CHL1: variants seen among roughly 807,000 people sequenced by gnomAD.
CHL1 encodes the protein cell adhesion molecule L1 like, also known as neural cell adhesion molecule L1-like protein.
CHL1 carries 96 observed loss-of-function variants against 141.9 expected under a neutral mutation model. The observed-to-expected ratio is 0.68, with a 90% CI of 0.57 to 0.80. The LOEUF is 0.80. Among genes scored for constraint, CHL1 ranks in the 30% least tolerant of loss-of-function variants. The probability of loss-of-function intolerance (pLI) is 0.00; values close to 1 mark genes in which losing one functional copy is unlikely to be tolerated. For missense variants in CHL1, 1,820 were observed against 1,457.2 expected (o/e 1.25, Z -4.05); for synonymous variants, 613 against 502.2 (o/e 1.22, Z -2.95).
intron 18 of CHL1, 123 bp downstream of exon 18, chr3:382,794 G>T (rs987011947): frequency 1.2e-4 from 105 of 846,050 alleles, no homozygotes; most frequent in Admixed American, 1.8e-4. Flanking sequence ...AGTGTTAACA[G>T]TTCTCTAAAC....
intron 26 of CHL1, among the ~76,000 whole-genome samples, chr3:400,228 T>C (rs1043320480): frequency 2.6e-5 from 4 of 152,218 alleles, no homozygotes; most frequent in Non-Finnish European, 5.9e-5. Flanking sequence ...GTCATCTACA[T>C]AGAAACATTG....
At chr3:283,384 C>T (rs1696834949) in intron 2 of CHL1, among the ~76,000 whole-genome samples, 1 of 152,164 alleles carries the variant, frequency 6.6e-6, no homozygotes, top group African/African-American at 2.4e-5. Context: ...GATTAGCAAT[C>T]ACACATGGTT....
intron 2 of CHL1, among the ~76,000 whole-genome samples, chr3:275,042 A>C (rs1457380616): frequency 6.6e-6 from 1 of 152,250 alleles, no homozygotes; most frequent in Non-Finnish European, 1.5e-5. Flanking sequence ...CCTACTCACC[A>C]CTGCAACTTC....
chr3:401,169 C>T (rs572655416), intron 26 of CHL1, among the ~76,000 whole-genome samples: 4 of 152,080 alleles, frequency 2.6e-5, no homozygotes, highest in East Asian at 1.9e-4. Flanking sequence ...CCCAAAGTGC[C>T]GGGATTACAG....
At chr3:361,649 A>T in intron 12 of CHL1, 50 bp from the exon 13 acceptor site, 1 of 1,279,656 alleles carries the variant, frequency 7.8e-7, no homozygotes, top group Non-Finnish European at 1.1e-6. Flanking sequence ...TAATTTGCAT[A>T]TCTTTCTTCC....
At chr3:342,846 C>T in intron 7 of CHL1, 138 bp from the exon 8 acceptor site, 1 of 589,634 alleles carries the variant, frequency 1.7e-6, no homozygotes, top group South Asian at 2.5e-5. Context: ...ACTATATTCC[C>T]AAAGGCAATG....
At chr3:333,021 A>G (rs1701563157) in intron 5 of CHL1, among the ~76,000 whole-genome samples, 1 of 151,978 alleles carries the variant, frequency 6.6e-6, no homozygotes, top group African/African-American at 2.4e-5. Context: ...GACCAAGTGA[A>G]GACATGAACA....
chr3:266,796 C>T (rs1337241427), intron 2 of CHL1, among the ~76,000 whole-genome samples: 1 of 152,142 alleles, frequency 6.6e-6, no homozygotes, highest in East Asian at 1.9e-4. Context: ...GGCAGCACTT[C>T]CAATGTTCAG....
rs186903205 is a variant in CHL1 at position 348,761 on chromosome 3, G to A, written c.849-598G>A. Among the ~76,000 whole-genome samples, 35 of 152,306 alleles carry A rather than the reference G, an allele frequency of 2.3e-4. No homozygotes were observed. In the East Asian group the frequency reaches 4.2e-3, roughly 18 times the overall value. On this transcript the variant is annotated intron_variant, in intron 9 of 27. Coordinates refer to ENST00000256509, the MANE Select transcript of CHL1 (RefSeq NM_006614.4). ...CTTTCCTCTGCTTCCCGACAAGGGCGAGAACGTGATCCAGGAGGCAGTATC... is the reference window on the plus strand; with the variant it reads ...CTTTCCTCTGCTTCCCGACAAGGGCAAGAACGTGATCCAGGAGGCAGTATC...
At position 319,536 on chromosome 3, in the gene CHL1, A is replaced by G; in HGVS notation, c.-94-147A>G. ...CATACAAAGAGGAAAAACTAATTTC[A>G]TTCATGCGGAGTTATGAGAGAACAG... On this transcript the variant is annotated intron_variant, in intron 2 of 27. Coordinates refer to ENST00000256509, the MANE Select transcript of CHL1 (RefSeq NM_006614.4). 7 of 417,488 alleles carry G rather than the reference A, an allele frequency of 1.7e-5. No individual in the cohort carries two copies. In the South Asian group the frequency reaches 2.4e-4, roughly 14 times the overall value. 25.9% of individuals were successfully genotyped at this position (417,488 alleles called of 1,614,324 possible).
rs186575125 is a variant in CHL1, at chr3:362,717, G to A, written c.1419-500G>A. ...AAGGGCTTGGAAATGGCTGAATGTT[G>A]GAGGAAATGGCTCTGGGGTTGATAG... On this transcript the variant is annotated intron_variant, in intron 13 of 27. Transcript: ENST00000256509. 5.3e-5 allele frequency among the ~76,000 whole-genome samples: 8 copies of A among 152,256 alleles called. No homozygotes were observed. In the East Asian group the frequency reaches 1.5e-3, roughly 29 times the overall value.
rs1575325331 is a variant in CHL1 at position 408,943 on chromosome 3, T to A, written c.*3232T>A. The A allele has an allele frequency of 6.6e-6, 1 of 152,098 alleles. No homozygotes were observed. Among genetic ancestry groups the A allele is most frequent in the Non-Finnish European group, 1.5e-5 (1 of 67,988 alleles). 9.4% of individuals were successfully genotyped at this position (152,098 alleles called of 1,614,324 possible). On this transcript the variant is annotated 3_prime_UTR_variant, in exon 28 of 28. Transcript: ENST00000256509. ...ATAATATTTTTTTCCTATTTTATAC[T>A]CATGGAAGAGATAAGCTAAAGAGGG...
At chr3:316,372 T>C (rs1700153373) in intron 2 of CHL1, among the ~76,000 whole-genome samples, 1 of 151,984 alleles carries the variant, frequency 6.6e-6, no homozygotes, top group Admixed American at 6.6e-5. Flanking sequence ...GTAAGATATG[T>C]ATTATGTTGG....
chr3:385,953 C>A (rs995160243), intron 19 of CHL1, among the ~76,000 whole-genome samples: 4 of 151,716 alleles, frequency 2.6e-5, no homozygotes, highest in African/African-American at 7.3e-5. Flanking sequence ...AGTTACATTC[C>A]CAATATGTCC....
chr3:242,401 C>T (rs886672002), intron 1 of CHL1, among the ~76,000 whole-genome samples: 3 of 140,890 alleles, frequency 2.1e-5, no homozygotes, highest in African/African-American at 5.3e-5. Flanking sequence ...TCGAGACCAT[C>T]CTGGCTAACA....
chr3:339,868 T>C (rs939728697), intron 5 of CHL1, among the ~76,000 whole-genome samples: 1 of 152,140 alleles, frequency 6.6e-6, no homozygotes. Context: ...TACAAATAAA[T>C]ACCTTCTAAT....
intron 10 of CHL1, among the ~76,000 whole-genome samples, chr3:352,204 A>G (rs1465965740): frequency 6.6e-6 from 1 of 152,308 alleles, no homozygotes; most frequent in South Asian, 2.1e-4. Context: ...TTTTCAAATA[A>G]CAAACCTATT....
rs996428689 is a variant in CHL1 at position 361,772 on chromosome 3, T to C, written c.1380T>C (p.His460=). ...TGGTTGGGTACAGTGCTTTCTTACA[T>C]TGCGAGTTCTTTGCTTCACCTGAGG... ...ATVVGYSAFL[H]CEFFASPEAV... Residue 460 remains histidine (H), a synonymous_variant, in exon 13 of 28, where the codon CAT becomes CAC. Coordinates refer to ENST00000256509, the MANE Select transcript of CHL1 (RefSeq NM_006614.4). 1.9e-6 allele frequency: 3 copies of C among 1,613,670 alleles called. No individual in the cohort carries two copies. Among genetic ancestry groups the C allele is most frequent in the East Asian group, 2.2e-5 (1 of 44,878 alleles).
intron 3 of CHL1, among the ~76,000 whole-genome samples, chr3:324,095 G>C (rs1700812994): frequency 6.6e-6 from 1 of 152,064 alleles, no homozygotes; most frequent in Non-Finnish European, 1.5e-5. Context: ...AATGCTCTTT[G>C]AGATGTCTTG....
Sources: allele counts gnomAD v4.1 joint callset (sites outside exome capture counted in the v4.1 genomes callset), GRCh38; gene constraint gnomAD v4.1.1; transcripts MANE v1.5; gene names NCBI Gene and HGNC (gene_info 2026-07-23, HGNC 2026-07-21).